Variants in PCDHA8 observed in about 807,000 individuals in gnomAD.
The protein encoded by PCDHA8 is protocadherin alpha 8.
A neutral mutation model predicts 61.8 loss-of-function variants in PCDHA8; 53 were observed. That is an observed-to-expected ratio of 0.86 (90% CI 0.69 to 1.08). The LOEUF is 1.08. Ranked by LOEUF, PCDHA8 falls within the 50% of genes least tolerant of loss-of-function variation. The pLI is 0.00. For missense variants in PCDHA8, 1,293 were observed against 1,245.0 expected, an observed-to-expected ratio of 1.04 and a Z score of -0.58; for synonymous variants, 618 against 556.6, an observed-to-expected ratio of 1.11 and a Z score of -1.55.
intron 1 of PCDHA8, chr5:140,862,144 C>G (rs2047225935): frequency 1.2e-5 from 2 of 162,888 alleles, no homozygotes; most frequent in South Asian, 1.7e-4. Context: ...TTTGAGGAAA[C>G]TAAATAATGA....
chr5:141,009,258 C>A (rs1311772308), intron 3 of PCDHA8, among the ~76,000 whole-genome samples: 1 of 152,086 alleles, frequency 6.6e-6, no homozygotes, highest in Admixed American at 6.6e-5. Flanking sequence ...TGTTTGAGAC[C>A]AGCCTGGGCA....
chr5:140,967,565 C>A, intron 1 of PCDHA8: 1 of 1,614,080 alleles, frequency 6.2e-7, no homozygotes, highest in Non-Finnish European at 8.5e-7. Context: ...CGTCCAGCTA[C>A]GGGAGGACTC....
chr5:140,897,304 G>A (rs1297881439), intron 1 of PCDHA8, among the ~76,000 whole-genome samples: 1 of 150,768 alleles, frequency 6.6e-6, no homozygotes, highest in Non-Finnish European at 1.5e-5. Flanking sequence ...TTTAGCATTA[G>A]GTATATCTCC....
chr5:140,851,517 A>C (rs1290684198), intron 1 of PCDHA8: 5 of 904,746 alleles, frequency 5.5e-6, no homozygotes, highest in Non-Finnish European at 4.0e-6. Flanking sequence ...AATATGTTTT[A>C]AAATGCCTGA....
intron 1 of PCDHA8, among the ~76,000 whole-genome samples, chr5:140,925,206 G>C (rs576558414): frequency 6.6e-6 from 1 of 152,116 alleles, no homozygotes; most frequent in African/African-American, 2.4e-5. Context: ...AATAATTATC[G>C]ATACTTTTAG....
intron 1 of PCDHA8, among the ~76,000 whole-genome samples, chr5:140,915,626 G>GTTTCTC (rs149393620): frequency 6.8e-6 from 1 of 146,436 alleles, no homozygotes; most frequent in African/African-American, 2.5e-5. Context: ...GTCTCTTTCT[G>GTTTCTC]TCTCTCTCTC....
intron 3 of PCDHA8, among the ~76,000 whole-genome samples, chr5:140,991,634 A>G (rs1261533190): frequency 5.9e-5 from 9 of 152,196 alleles, no homozygotes; most frequent in African/African-American, 1.7e-4. Flanking sequence ...TGTAATAACA[A>G]TCTGTTCATG....
At chr5:140,857,327 C>G (rs1554149849) in intron 1 of PCDHA8, 1 of 1,598,614 alleles carries the variant, frequency 6.3e-7, no homozygotes, top group Non-Finnish European at 8.6e-7. Flanking sequence ...GGTGACCGCG[C>G]GGGACGGGGG....
chr5:140,894,374 A>G (rs1449305462), intron 1 of PCDHA8, among the ~76,000 whole-genome samples: 1 of 151,940 alleles, frequency 6.6e-6, no homozygotes, highest in African/African-American at 2.4e-5. Flanking sequence ...AATGGCTCCA[A>G]TTATATTTGT....
At chr5:140,958,510 G>A (rs1476919397) in intron 1 of PCDHA8, among the ~76,000 whole-genome samples, 1 of 152,114 alleles carries the variant, frequency 6.6e-6, no homozygotes, top group Non-Finnish European at 1.5e-5. Flanking sequence ...AGGCATGGCT[G>A]TCCAATATAT....
chr5:140,882,002 G>A (rs2153382146), intron 1 of PCDHA8: 1 of 489,088 alleles, frequency 2.0e-6, no homozygotes, highest in South Asian at 5.2e-5. Context: ...AAATGCAAGG[G>A]GCAAAAAAAT....
At chr5:140,887,955 CT>C (rs2061644555) in intron 1 of PCDHA8, among the ~76,000 whole-genome samples, 1 of 152,088 alleles carries the variant, frequency 6.6e-6, no homozygotes, top group Non-Finnish European at 1.5e-5. Flanking sequence ...GTATAAGATT[CT>C]TTTTGTCTCT....
chr5:141,011,876 A>G lies in PCDHA8; in HGVS notation c.*1939A>G, dbSNP rs2098422094. ...AATTTTGTTATAATGTACAATTTAG[A>G]AGTTTGATTAATTATATTATCTATT... On this transcript the variant is annotated 3_prime_UTR_variant, in exon 4 of 4. Coordinates refer to ENST00000531613, the MANE Select transcript of PCDHA8 (RefSeq NM_018911.3). 6.5e-6 allele frequency: 1 copy of G among 153,584 alleles called. No individual in the cohort carries two copies. The highest frequency in any genetic ancestry group is 2.4e-5 in the African/African-American group (1 of 41,298). 9.5% of individuals were successfully genotyped at this position (153,584 alleles called of 1,614,324 possible).
intron 3 of PCDHA8, among the ~76,000 whole-genome samples, chr5:141,007,673 A>C (rs2098339698): frequency 6.6e-6 from 1 of 152,136 alleles, no homozygotes; most frequent in African/African-American, 2.4e-5. Flanking sequence ...ACAAAGACAA[A>C]AGTTATCCTA....
intron 1 of PCDHA8, chr5:140,927,374 ACAGCCTAAGCCCCAGT>A: frequency 6.2e-7 from 1 of 1,614,100 alleles, no homozygotes; most frequent in Non-Finnish European, 8.5e-7. Flanking sequence ...ATACTAAGCT[ACAGCCTAAGCCCCAGT>A]CAGCACTTTC....
chr5:140,851,579 C>T lies in PCDHA8; in HGVS notation c.2394+7864C>T, dbSNP rs527993952. On this transcript the variant is annotated intron_variant, in intron 1 of 3. Transcript: ENST00000531613. ...ACTGAAATTTTGTCTACACTTAGAA[C>T]ATTTTTTGAAATTCAGTTTACAGAA... 1.1e-5 allele frequency: 10 copies of T among 913,374 alleles called. No homozygotes were observed. In the South Asian group the frequency reaches 4.0e-4, roughly 36 times the overall value. 56.6% of individuals were successfully genotyped at this position (913,374 alleles called of 1,614,324 possible).
At chr5:140,910,699 C>T (rs2075133738) in intron 1 of PCDHA8, among the ~76,000 whole-genome samples, 1 of 152,180 alleles carries the variant, frequency 6.6e-6, no homozygotes. Flanking sequence ...AGCTTGCTCA[C>T]AGTGGGCCAT....
chr5:140,929,364 A>C (rs782443919), intron 1 of PCDHA8: 3 of 1,521,318 alleles, frequency 2.0e-6, no homozygotes, highest in Admixed American at 2.2e-5. Flanking sequence ...TTTGGCCCGG[A>C]GATGGCTGCT....
chr5:140,850,035 A>G, intron 1 of PCDHA8: 1 of 1,596,458 alleles, frequency 6.3e-7, no homozygotes, highest in Non-Finnish European at 8.6e-7. Flanking sequence ...GCACGCGGAG[A>G]GCGGCAAGGT....
Sources: allele counts gnomAD v4.1 joint callset (sites outside exome capture counted in the v4.1 genomes callset), GRCh38; gene constraint gnomAD v4.1.1; transcripts MANE v1.5; gene names NCBI Gene and HGNC (gene_info 2026-07-23, HGNC 2026-07-21).